Variants in DDR2 observed in about 807,000 individuals in gnomAD.
DDR2 encodes the protein discoidin domain receptor tyrosine kinase 2.
A neutral mutation model predicts 94.9 loss-of-function variants in DDR2; 27 were observed. That is an observed-to-expected ratio of 0.28 (90% CI 0.21 to 0.39). The LOEUF (loss-of-function observed/expected upper bound fraction) is 0.39. Among genes scored for constraint, DDR2 ranks in the 10% least tolerant of loss-of-function variants. DDR2 has a pLI of 1.00. For missense variants in DDR2, 783 were observed against 1,076.0 expected, an observed-to-expected ratio of 0.73 and a Z score of 3.81; for synonymous variants, 382 against 377.2, an observed-to-expected ratio of 1.01 and a Z score of -0.15.
chr1:162,681,057 A>G (rs1659374859), intron 2 of DDR2, among the ~76,000 whole-genome samples: 1 of 152,176 alleles, frequency 6.6e-6, no homozygotes, highest in Non-Finnish European at 1.5e-5. Flanking sequence ...AAAGATCCAG[A>G]TTGAAACCAG....
intron 3 of DDR2, among the ~76,000 whole-genome samples, chr1:162,723,244 C>T (rs1323517768): frequency 1.3e-5 from 2 of 152,102 alleles, no homozygotes; most frequent in East Asian, 3.9e-4. Context: ...ACATTTGGGG[C>T]TCCTGGTGGA....
intron 13 of DDR2, 111 bp from the exon 14 acceptor site, chr1:162,773,358 T>G: frequency 7.0e-7 from 1 of 1,428,488 alleles, no homozygotes; most frequent in Middle Eastern, 1.8e-4. Context: ...GGTCTTTTGA[T>G]CATTTTGCCT....
chr1:162,632,857 A>G (rs1290326443), intron 1 of DDR2, among the ~76,000 whole-genome samples: 2 of 152,210 alleles, frequency 1.3e-5, no homozygotes, highest in Admixed American at 6.5e-5. Flanking sequence ...AAAGAGCAGT[A>G]ATAACCAAAG....
chr1:162,638,044 G>C (rs564207786), intron 1 of DDR2, among the ~76,000 whole-genome samples: 1 of 151,568 alleles, frequency 6.6e-6, no homozygotes, highest in Non-Finnish European at 1.5e-5. Flanking sequence ...TGTTTGAGAC[G>C]GAGTCTCACT....
intron 3 of DDR2, among the ~76,000 whole-genome samples, chr1:162,732,961 G>A (rs933575810): frequency 2.0e-5 from 3 of 152,240 alleles, no homozygotes; most frequent in Admixed American, 1.3e-4. Context: ...GAGGGCTGGA[G>A]CTCCCTGCTG....
intron 1 of DDR2, among the ~76,000 whole-genome samples, chr1:162,644,678 C>T (rs1433340253): frequency 6.6e-6 from 1 of 151,786 alleles, no homozygotes; most frequent in Non-Finnish European, 1.5e-5. Context: ...CTTATTGCAA[C>T]CTCTGCCTCC....
Position 162,780,557 on chromosome 1 carries a change from G to T in DDR2, c.*311G>T. 3.0e-6 allele frequency: 1 copy of T among 333,448 alleles called. No homozygotes were observed. 20.7% of individuals were successfully genotyped at this position (333,448 alleles called of 1,614,324 possible). On this transcript the variant is annotated 3_prime_UTR_variant, in exon 18 of 18. Transcript: ENST00000367921. ...TAGAAAATTCAGATAATTTATAAAG[G>T]TTAACTATACTTGTGCTTATAAATG... is the stretch of plus-strand genomic sequence containing the variant.
At chr1:162,650,138 T>C (rs1657612605) in intron 1 of DDR2, among the ~76,000 whole-genome samples, 1 of 152,202 alleles carries the variant, frequency 6.6e-6, no homozygotes. Context: ...TTTATGTAGT[T>C]GAAGTTCAAA....
At chr1:162,709,495 G>A (rs1660801700) in intron 2 of DDR2, among the ~76,000 whole-genome samples, 1 of 152,172 alleles carries the variant, frequency 6.6e-6, no homozygotes, top group Non-Finnish European at 1.5e-5. Context: ...ACCTCCAATT[G>A]GAGAGAATTG....
At chr1:162,660,651 T>A (rs1658246492) in intron 2 of DDR2, among the ~76,000 whole-genome samples, 1 of 152,172 alleles carries the variant, frequency 6.6e-6, no homozygotes, top group Non-Finnish European at 1.5e-5. Context: ...TTTTCTAACA[T>A]CAAAGCAGCA....
intron 2 of DDR2, among the ~76,000 whole-genome samples, chr1:162,660,336 A>G (rs1658227729): frequency 6.6e-6 from 1 of 152,094 alleles, no homozygotes; most frequent in Non-Finnish European, 1.5e-5. Flanking sequence ...TAGAGGAGGT[A>G]GGCGGCGGTG....
chr1:162,645,234 CT>C (rs1657349935), intron 1 of DDR2, among the ~76,000 whole-genome samples: 3 of 152,100 alleles, frequency 2.0e-5, no homozygotes, highest in Non-Finnish European at 4.4e-5. Context: ...AGGATTGTCC[CT>C]TTTGGTATTA....
chr1:162,637,747 C>T (rs1472571449), intron 1 of DDR2, among the ~76,000 whole-genome samples: 1 of 152,116 alleles, frequency 6.6e-6, no homozygotes, highest in Non-Finnish European at 1.5e-5. Context: ...TAGGGCTTAA[C>T]ACATTATCTG....
intron 2 of DDR2, among the ~76,000 whole-genome samples, chr1:162,678,576 A>G (rs1460461405): frequency 6.6e-6 from 1 of 152,236 alleles, no homozygotes; most frequent in Non-Finnish European, 1.5e-5. Flanking sequence ...GCCCAAGGTC[A>G]CGGAGTAAGT....
intron 2 of DDR2, among the ~76,000 whole-genome samples, chr1:162,705,381 G>A (rs1660616568): frequency 6.6e-6 from 1 of 152,228 alleles, no homozygotes. Flanking sequence ...CAGCCTGGCG[G>A]TGTGCTCCTC....
At chr1:162,770,667 G>A in intron 12 of DDR2, 155 bp downstream of exon 12, 1 of 804,508 alleles carries the variant, frequency 1.2e-6, no homozygotes, top group Non-Finnish European at 2.1e-6. Flanking sequence ...GTCTGCCGCT[G>A]CTCCTGGCCT....
chr1:162,708,925 A>G (rs1660773450), intron 2 of DDR2, among the ~76,000 whole-genome samples: 1 of 152,192 alleles, frequency 6.6e-6, no homozygotes, highest in African/African-American at 2.4e-5. Context: ...TTTATTGAGA[A>G]CATGATGCCA....
chr1:162,727,054 T>A (rs1021840862), intron 3 of DDR2, among the ~76,000 whole-genome samples: 8 of 146,112 alleles, frequency 5.5e-5, no homozygotes, highest in African/African-American at 2.0e-4. Context: ...AATATTATAA[T>A]AAATATATTA....
At chr1:162,765,594 T>C (rs1410383528) in intron 9 of DDR2, among the ~76,000 whole-genome samples, 1 of 152,056 alleles carries the variant, frequency 6.6e-6, no homozygotes, top group Non-Finnish European at 1.5e-5. Flanking sequence ...GACTCTTTTA[T>C]AAACAATCTA....
Sources: allele counts gnomAD v4.1 joint callset (sites outside exome capture counted in the v4.1 genomes callset), GRCh38; gene constraint gnomAD v4.1.1; transcripts MANE v1.5; gene names NCBI Gene and HGNC (gene_info 2026-07-23, HGNC 2026-07-21).